CRTC3: variants seen among roughly 807,000 people sequenced by gnomAD.
The protein encoded by CRTC3 is CREB-regulated transcription coactivator 3.
In CRTC3, 26 loss-of-function variants were observed where a neutral mutation model predicts 74.5. The ratio of observed to expected loss-of-function variants is 0.35; its 90% CI spans 0.26 to 0.48. The LOEUF (loss-of-function observed/expected upper bound fraction) is 0.48. Ranked by LOEUF, CRTC3 falls within the 20% of genes least tolerant of loss-of-function variation. The pLI is 0.99. For missense variants in CRTC3, 760 were observed against 787.3 expected, an observed-to-expected ratio of 0.97 and a Z score of 0.41; for synonymous variants, 377 against 325.8, an observed-to-expected ratio of 1.16 and a Z score of -1.69.
chr15:90,605,045 G>C (rs1049791007), intron 5 of CRTC3, among the ~76,000 whole-genome samples: 9 of 152,098 alleles, frequency 5.9e-5, no homozygotes, highest in Admixed American at 4.6e-4. Flanking sequence ...AGGATCGTGT[G>C]AGTCCAGCAG....
chr15:90,610,703 C>T (rs1354221803), intron 6 of CRTC3, among the ~76,000 whole-genome samples: 1 of 152,176 alleles, frequency 6.6e-6, no homozygotes, highest in African/African-American at 2.4e-5. Flanking sequence ...ATGACCATTT[C>T]ACACTTACAT....
intron 10 of CRTC3, among the ~76,000 whole-genome samples, chr15:90,628,619 C>A (rs1968924918): frequency 6.6e-6 from 1 of 152,170 alleles, no homozygotes; most frequent in Non-Finnish European, 1.5e-5. Context: ...CCAAATAAAG[C>A]ACCAGCAAAA....
At chr15:90,552,685 G>T (rs1212533064) in intron 2 of CRTC3, among the ~76,000 whole-genome samples, 1 of 152,156 alleles carries the variant, frequency 6.6e-6, no homozygotes, top group Non-Finnish European at 1.5e-5. Flanking sequence ...TTTTGTATGT[G>T]AAGTGGGGAT....
intron 2 of CRTC3, among the ~76,000 whole-genome samples, chr15:90,578,647 T>G (rs1967464836): frequency 6.6e-6 from 1 of 152,198 alleles, no homozygotes; most frequent in Admixed American, 6.5e-5. Context: ...GTAATATGTA[T>G]TCTTATTTGC....
In CRTC3 at chr15:90,604,328, T is replaced by C. The variant is rs1968160345; in HGVS notation, c.414-57T>C. 5 of 1,387,978 alleles carry C rather than the reference T, an allele frequency of 3.6e-6. No individual in the cohort carries two copies. In the Admixed American group the frequency reaches 8.4e-5, roughly 23 times the overall value. The allele number at this position is 1,387,978 out of a possible 1,614,324, so 86.0% of individuals were successfully genotyped here. ...TTCTCAAATGCAAGTGCTGAGGCCCTCCTTTGCTGTCTGTGGATTGACTTC... is the reference window on the plus strand; with the variant it reads ...TTCTCAAATGCAAGTGCTGAGGCCCCCCTTTGCTGTCTGTGGATTGACTTC... On this transcript the variant is annotated intron_variant, in intron 4 of 14. Transcript: ENST00000268184.
chr15:90,550,081 C>A (rs1966851981), intron 2 of CRTC3, among the ~76,000 whole-genome samples: 1 of 151,512 alleles, frequency 6.6e-6, no homozygotes, highest in East Asian at 1.9e-4. Flanking sequence ...AATTTTGATC[C>A]TGTGTCAAGA....
intron 2 of CRTC3, among the ~76,000 whole-genome samples, chr15:90,582,934 A>C (rs1352124269): frequency 6.6e-6 from 1 of 152,124 alleles, no homozygotes; most frequent in Admixed American, 6.5e-5. Context: ...CATAGACCTT[A>C]TTCTCTGCCT....
In CRTC3 at chr15:90,545,447, T is replaced by A. The variant is rs12440307; in HGVS notation, c.231+5310T>A. ...CTGAATCTCGCTCTGTCGCCCAGGC[T>A]GGAGTGTAGTGGCGTGATCTCAGCT... On this transcript the variant is annotated intron_variant, in intron 2 of 14. Transcript: ENST00000268184. Among the ~76,000 whole-genome samples, 951 of 149,318 alleles carry A rather than the reference T, an allele frequency of 6.4e-3. 23 individuals carry two copies. In the East Asian group the frequency reaches 0.088, roughly 14 times the overall value.
intron 9 of CRTC3, 133 bp downstream of exon 9, chr15:90,619,923 TA>T: frequency 4.3e-6 from 3 of 693,042 alleles, no homozygotes; most frequent in Non-Finnish European, 7.7e-6. Context: ...TGCATTTTCA[TA>T]AAAACAGCCA....
intron 2 of CRTC3, among the ~76,000 whole-genome samples, chr15:90,582,868 C>T (rs1008859230): frequency 1.3e-5 from 2 of 152,210 alleles, no homozygotes; most frequent in African/African-American, 4.8e-5. Context: ...CCTGCTCCAT[C>T]AGGGTCAGGG....
chr15:90,546,224 A>G (rs530240356), intron 2 of CRTC3, among the ~76,000 whole-genome samples: 2 of 152,218 alleles, frequency 1.3e-5, no homozygotes, highest in East Asian at 3.9e-4. Flanking sequence ...TTTGTGTGGT[A>G]CAGGGTTTGG....
intron 1 of CRTC3, among the ~76,000 whole-genome samples, chr15:90,539,418 A>G (rs901557837): frequency 9.2e-5 from 3 of 32,444 alleles, no homozygotes; most frequent in African/African-American, 3.9e-4. Flanking sequence ...TCTCATATGT[A>G]TATTATAAAC....
chr15:90,581,306 G>A (rs192405259), intron 2 of CRTC3, among the ~76,000 whole-genome samples: 7 of 152,292 alleles, frequency 4.6e-5, no homozygotes, highest in African/African-American at 1.7e-4. Flanking sequence ...AAAACAGGAT[G>A]TAAGTTTTTT....
At chr15:90,570,458 C>T (rs1245907498) in intron 2 of CRTC3, among the ~76,000 whole-genome samples, 1 of 152,212 alleles carries the variant, frequency 6.6e-6, no homozygotes, top group Non-Finnish European at 1.5e-5. Context: ...AGCCCTTACT[C>T]TTGACTCCAC....
At chr15:90,569,027 C>T (rs1021766826) in intron 2 of CRTC3, among the ~76,000 whole-genome samples, 3 of 151,378 alleles carry the variant, frequency 2.0e-5, no homozygotes, top group East Asian at 3.9e-4. Context: ...GAGTTTCTCC[C>T]GGTCACCCAG....
At chr15:90,610,874 T>C (rs574764733) in intron 6 of CRTC3, among the ~76,000 whole-genome samples, 2 of 152,284 alleles carry the variant, frequency 1.3e-5, no homozygotes, top group South Asian at 2.1e-4. Context: ...GAGTGCGTAA[T>C]AGGTGTCTTC....
intron 2 of CRTC3, among the ~76,000 whole-genome samples, chr15:90,556,998 A>ATC (rs1966905910): frequency 7.7e-6 from 1 of 130,174 alleles, no homozygotes; most frequent in Non-Finnish European, 1.6e-5. Context: ...ATATATATAT[A>ATC]TCTTTATAAT....
intron 7 of CRTC3, among the ~76,000 whole-genome samples, chr15:90,616,301 C>A (rs1194699637): frequency 6.6e-6 from 1 of 152,118 alleles, no homozygotes; most frequent in African/African-American, 2.4e-5. Context: ...ATTGTATCCT[C>A]CCCTTACCGT....
Position 90,603,422 on chromosome 15 carries a change from G to A in CRTC3, c.414-963G>A, listed in dbSNP as rs1222833368. 2.6e-5 allele frequency among the ~76,000 whole-genome samples: 4 copies of A among 151,430 alleles called. No homozygotes were observed. The East Asian group carries it at 7.8e-4, about 30-fold the overall frequency. The stretch of plus-strand genomic sequence containing the variant: ...CACGCCACTGCACTCCAGCCTGGGT[G>A]ACAGAGCGAGACTCCATCTCAAAAA... On this transcript the variant is annotated intron_variant, in intron 4 of 14. Coordinates refer to ENST00000268184, the MANE Select transcript of CRTC3 (RefSeq NM_022769.5).
Sources: allele counts gnomAD v4.1 joint callset (sites outside exome capture counted in the v4.1 genomes callset), GRCh38; gene constraint gnomAD v4.1.1; transcripts MANE v1.5; gene names NCBI Gene and HGNC (gene_info 2026-07-23, HGNC 2026-07-21).